PLEKHG4B: variants seen among roughly 807,000 people sequenced by gnomAD.
PLEKHG4B encodes pleckstrin homology and RhoGEF domain containing G4B.
In PLEKHG4B, 111 loss-of-function variants were observed where a neutral mutation model predicts 121.3. The observed-to-expected ratio is 0.92, with a 90% CI of 0.78 to 1.07. The LOEUF is 1.07. Among genes scored for constraint, PLEKHG4B ranks in the 50% least tolerant of loss-of-function variants. PLEKHG4B has a pLI of 0.00. For missense variants in PLEKHG4B, 1,831 were observed against 1,757.8 expected (o/e 1.04, Z -0.74); for synonymous variants, 738 against 725.0 (o/e 1.02, Z -0.29).
chr5:94,941 A>G (rs1413479437), intron 1 of PLEKHG4B, among the ~76,000 whole-genome samples: 1 of 152,106 alleles, frequency 6.6e-6, no homozygotes, highest in African/African-American at 2.4e-5. Flanking sequence ...AGAGATGTAC[A>G]CAAGCTTTTA....
chr5:181,732 C>G, intron 19 of PLEKHG4B, 57 bp downstream of exon 19: 1 of 1,574,258 alleles, frequency 6.4e-7, no homozygotes, highest in Non-Finnish European at 8.6e-7. Flanking sequence ...GGCCTGTCAT[C>G]AAGGGCATGG....
chr5:137,845 G>A lies in PLEKHG4B; in HGVS notation c.244-1638G>A, dbSNP rs1212555605. The stretch of plus-strand genomic sequence containing the variant: ...TCGGGGAGGCCCTTATGGACCGGCA[G>A]GTACCTGTCTCTTCTGGGGTGAAAC... On this transcript the variant is annotated intron_variant, in intron 2 of 19. Coordinates refer to ENST00000637938, the MANE Select transcript of PLEKHG4B (RefSeq NM_052909.5). This position sits in a 1 kb window ranked among gnomAD's most constrained non-coding sequence, Gnocchi z 4.2. Among the ~76,000 whole-genome samples the A allele has an allele frequency of 2.0e-5, 3 of 152,246 alleles. No homozygotes were observed. The highest frequency in any genetic ancestry group is 7.2e-5 in the African/African-American group (3 of 41,462).
Position 182,432 on chromosome 5 carries a change from G to A in PLEKHG4B, c.*109G>A, listed in dbSNP as rs1010574607. ...GCGGTGCCCATCGCGTGGCTGGAACGATCCAGAGGGAATAGCACAGCAGGT... is the reference window on the plus strand; with the variant it reads ...GCGGTGCCCATCGCGTGGCTGGAACAATCCAGAGGGAATAGCACAGCAGGT... On this transcript the variant is annotated 3_prime_UTR_variant, in exon 20 of 20. Transcript: ENST00000637938. 1.7e-5 allele frequency: 18 copies of A among 1,087,968 alleles called. No homozygotes were observed. The highest frequency in any genetic ancestry group is 6.2e-5 in the South Asian group (4 of 64,800). 67.4% of individuals were successfully genotyped at this position (1,087,968 alleles called of 1,614,324 possible). A position where few individuals can be genotyped will look rare whatever the true frequency, so the allele number is the denominator to read the frequency against.
rs924740274 is a variant in PLEKHG4B at position 184,147 on chromosome 5, G to C, written c.*1824G>C. On this transcript the variant is annotated 3_prime_UTR_variant, in exon 20 of 20. Transcript: ENST00000637938. ...CCCAAGGAAGCTGCTAGTGTGCCCA[G>C]TCCGAGTCCTAAAGCCTCAGAGCCA... is the stretch of plus-strand genomic sequence containing the variant. 1 of 152,192 alleles carries C rather than the reference G, an allele frequency of 6.6e-6. No homozygotes were observed. Among genetic ancestry groups the C allele is most frequent in the African/African-American group, 2.4e-5 (1 of 41,430 alleles). The allele number at this position is 152,192 out of a possible 1,614,324, so 9.4% of individuals were successfully genotyped here.
chr5:169,725 A>G, intron 14 of PLEKHG4B, 133 bp downstream of exon 14: 1 of 1,359,922 alleles, frequency 7.4e-7, no homozygotes, highest in East Asian at 2.4e-5. Flanking sequence ...TGGTCCTGAC[A>G]GGATGTTAAG....
At chr5:92,760 A>C (rs1447522873) in intron 1 of PLEKHG4B, among the ~76,000 whole-genome samples, 1 of 152,082 alleles carries the variant, frequency 6.6e-6, no homozygotes, top group East Asian at 1.9e-4. Context: ...CTCATCGCCA[A>C]AACTGAGAGT....
chr5:180,423 G>A (rs546715313), intron 18 of PLEKHG4B, among the ~76,000 whole-genome samples: 17 of 152,250 alleles, frequency 1.1e-4, no homozygotes, highest in East Asian at 5.8e-4. Context: ...CACCCTGTGC[G>A]TTTTCAGAAG....
intron 2 of PLEKHG4B, among the ~76,000 whole-genome samples, chr5:135,721 A>G (rs1170313648): frequency 6.0e-5 from 7 of 115,888 alleles, no homozygotes; most frequent in Admixed American, 8.7e-5. Context: ...ATATATATAT[A>G]TATATATGTA....
At chr5:176,702 G>C (rs1040247467) in intron 18 of PLEKHG4B, among the ~76,000 whole-genome samples, 3 of 152,248 alleles carry the variant, frequency 2.0e-5, no homozygotes, top group African/African-American at 7.2e-5. Context: ...AGAAAAAGCA[G>C]AAGGTGCAGC....
At chr5:173,532 C>A (rs1736641402) in intron 17 of PLEKHG4B, among the ~76,000 whole-genome samples, 1 of 152,166 alleles carries the variant, frequency 6.6e-6, no homozygotes, top group East Asian at 1.9e-4. Context: ...CTCACAGACT[C>A]ATGCATAGCC....
Position 156,723 on chromosome 5 carries a change from A to G in PLEKHG4B, c.2349-50A>G. On this transcript the variant is annotated intron_variant, in intron 10 of 19. Coordinates refer to ENST00000637938, the MANE Select transcript of PLEKHG4B (RefSeq NM_052909.5). This position sits in a 1 kb window ranked among gnomAD's most constrained non-coding sequence, Gnocchi z 4.4. The stretch of plus-strand genomic sequence containing the variant: ...TATATGGGGTTGTCACCAAGAGCAG[A>G]TTCCTCAAGGGGCCGCCTGGAAGCC... 1 of 1,517,860 alleles carries G rather than the reference A, an allele frequency of 6.6e-7. No homozygotes were observed. The highest frequency in any genetic ancestry group is 8.9e-7 in the Non-Finnish European group (1 of 1,127,930). 94.0% of individuals were successfully genotyped at this position (1,517,860 alleles called of 1,614,324 possible). A position where few individuals can be genotyped will look rare whatever the true frequency, so the allele number is the denominator to read the frequency against.
At chr5:95,482 T>A (rs1579225599) in intron 1 of PLEKHG4B, among the ~76,000 whole-genome samples, 1 of 152,208 alleles carries the variant, frequency 6.6e-6, no homozygotes, top group Admixed American at 6.5e-5. Context: ...ATGCCCTGTC[T>A]CTTGCCAGAT....
At chr5:173,194 G>A (rs545440216) in intron 17 of PLEKHG4B, 127 bp downstream of exon 17, 46 of 903,796 alleles carry the variant, frequency 5.1e-5, no homozygotes, top group Middle Eastern at 3.4e-4. Context: ...GCCGCACTGC[G>A]ATGTTTGTTT....
chr5:106,794 C>T (rs1199390045), intron 1 of PLEKHG4B, among the ~76,000 whole-genome samples: 2 of 152,158 alleles, frequency 1.3e-5, no homozygotes, highest in African/African-American at 2.4e-5. Flanking sequence ...TCTGTGTGCA[C>T]GTGTGTGCCC....
intron 1 of PLEKHG4B, among the ~76,000 whole-genome samples, chr5:103,720 A>G (rs908886696): frequency 3.3e-5 from 5 of 152,224 alleles, no homozygotes; most frequent in Non-Finnish European, 7.3e-5. Context: ...TGTGTTGGGA[A>G]CATAATGATT....
chr5:122,397 TTA>T (rs1442803270), intron 2 of PLEKHG4B, among the ~76,000 whole-genome samples: 1 of 142,908 alleles, frequency 7.0e-6, no homozygotes, highest in Non-Finnish European at 1.5e-5. Flanking sequence ...AAAATGCCCT[TTA>T]TTTTTATTTA....
At chr5:181,390 C>A in intron 18 of PLEKHG4B, 124 bp from the exon 19 acceptor site, 2 of 1,003,876 alleles carry the variant, frequency 2.0e-6, no homozygotes, top group Non-Finnish European at 2.9e-6. Context: ...CCTCGTGGGG[C>A]AGGGTGGGTA....
chr5:92,725 G>T (rs1733508234), intron 1 of PLEKHG4B, among the ~76,000 whole-genome samples: 1 of 151,918 alleles, frequency 6.6e-6, no homozygotes, highest in African/African-American at 2.4e-5. Context: ...GCCTGAAGGG[G>T]AGCCAGGGGA....
intron 11 of PLEKHG4B, among the ~76,000 whole-genome samples, chr5:161,479 T>C (rs1334504066): frequency 6.6e-6 from 1 of 152,234 alleles, no homozygotes; most frequent in African/African-American, 2.4e-5. Flanking sequence ...CTGTGCAGCG[T>C]GTACTCAGGA....
Sources: gnomAD v4.1 joint callset for allele counts (sites outside exome capture counted in the v4.1 genomes callset) on GRCh38, gnomAD v4.1.1 for gene constraint, Gnocchi (gnomAD v3.1) non-coding constraint, MANE v1.5 for transcripts, NCBI Gene and HGNC (gene_info 2026-07-23, HGNC 2026-07-21) for gene names.